ACACB: variants seen among roughly 807,000 people sequenced by gnomAD.
ACACB encodes acetyl-CoA carboxylase beta, also known as acetyl-CoA carboxylase 2.
ACACB carries 209 observed loss-of-function variants against 278.8 expected under a neutral mutation model. The observed-to-expected ratio is 0.75, with a 90% CI of 0.67 to 0.84. The LOEUF is 0.84. ACACB is among the 40% of genes least tolerant of loss of function. The pLI, the probability that ACACB is intolerant of heterozygous loss-of-function variation, is 0.00. For missense variants in ACACB, 2,850 were observed against 3,269.0 expected (o/e 0.87, Z 3.13); for synonymous variants, 1,174 against 1,285.6 (o/e 0.91, Z 1.86).
chr12:109,174,000 G>T (rs566471373), intron 6 of ACACB, 132 bp from the exon 7 acceptor site: 12 of 655,512 alleles, frequency 1.8e-5, no homozygotes, highest in African/African-American at 1.8e-4. Flanking sequence ...CTCCTTGAGA[G>T]CTGGGACCAG....
At chr12:109,254,514 C>G (rs559040081) in intron 44 of ACACB, among the ~76,000 whole-genome samples, 180 bp downstream of exon 44, 1 of 151,462 alleles carries the variant, frequency 6.6e-6, no homozygotes, top group African/African-American at 2.4e-5. Context: ...TTACTCTAGG[C>G]TTTTCCTGAG....
At chr12:109,223,967 C>T in intron 27 of ACACB, 63 bp downstream of exon 27, 4 of 1,385,420 alleles carry the variant, frequency 2.9e-6, no homozygotes, top group Non-Finnish European at 4.1e-6. Flanking sequence ...ACTGCCGCTA[C>T]CATGCACCTG....
Position 109,242,439 on chromosome 12 carries a change from C to A in ACACB, c.5025C>A (p.Ile1675=). 6.2e-7 allele frequency: 1 copy of A among 1,613,522 alleles called. No homozygotes were observed. The highest frequency in any genetic ancestry group is 1.1e-5 in the South Asian group (1 of 91,020). ...GTTTTCCCTCCTTTCTGGTCCAGAT[C>A]ATGTTTCACTCCTTCGGCAACAAGC... ...KEVTDSRSGN[I]MFHSFGNKQG... is the part of the protein sequence containing the mutation. The change falls in exon 37 of 53, where the codon ATC becomes ATA. Residue 1675 remains isoleucine, a splice_region_variant and synonymous_variant. Transcript: ENST00000338432.
At position 109,253,129 on chromosome 12, in the gene ACACB, A is replaced by G; in HGVS notation, c.6016A>G (p.Ile2006Val). 6.2e-7 allele frequency: 1 copy of G among 1,601,948 alleles called. No homozygotes were observed. Among genetic ancestry groups the G allele is most frequent in the Non-Finnish European group, 8.5e-7 (1 of 1,172,790 alleles). ...VPDDFEGVYT[I>V]LEWLSYMPKD... is the part of the protein sequence containing the mutation. ...AGATGACTTTGAGGGGGTTTATACC[A>G]TCCTGGAGTGGCTGTCCTATATGCC... The change falls in exon 43 of 53, where the codon ATC (isoleucine) becomes GTC (valine). Residue 2006 changes from isoleucine (I) to valine (V), a missense_variant. By Grantham distance (29) the Ile-to-Val change is conservative. Coordinates refer to ENST00000338432, the MANE Select transcript of ACACB (RefSeq NM_001093.4).
At chr12:109,259,583 C>CA (rs555119482) in intron 47 of ACACB, among the ~76,000 whole-genome samples, 37,318 of 142,146 alleles carry the variant, frequency 0.26, 5,227 homozygotes, top group Admixed American at 0.37. Flanking sequence ...AACAAAAAAA[C>CA]AAAAAAAAAA....
At position 109,174,055 on chromosome 12, in the gene ACACB, G is replaced by GCACT. The variant is rs1323530524; in HGVS notation, c.1118-75_1118-72dup. 3.2e-6 allele frequency: 4 copies of GCACT among 1,260,426 alleles called. No homozygotes were observed. The African/African-American group carries it at 5.9e-5, about 19-fold the overall frequency. The allele number at this position is 1,260,426 out of a possible 1,614,324, so 78.1% of individuals were successfully genotyped here. On this transcript the variant is annotated intron_variant, in intron 6 of 52. Coordinates refer to ENST00000338432, the MANE Select transcript of ACACB (RefSeq NM_001093.4). ...GCTCCTTACCTGGCCCCACCACCGT[G>GCACT]CACTCGGTCGGCCTTCAGCCTCGAG...
At chr12:109,193,752 G>A (rs370248200) in intron 16 of ACACB, 23 bp downstream of exon 16, 53 of 1,578,248 alleles carry the variant, frequency 3.4e-5, no homozygotes, top group African/African-American at 5.4e-5. Context: ...GTGCCTCTCC[G>A]ATGTCTCCAA....
chr12:109,260,685 A>G, intron 48 of ACACB, 28 bp downstream of exon 48: 1 of 1,510,690 alleles, frequency 6.6e-7, no homozygotes, highest in African/African-American at 1.4e-5. Flanking sequence ...AGCCTGGCTT[A>G]GCCTTTTCTT....
At position 109,247,641 on chromosome 12, in the gene ACACB, C is replaced by T. The variant is rs753025201; in HGVS notation, c.5607C>T (p.Tyr1869=). ...FKYLYLTPQD[Y]TRISSLNSVH... ...ACCTGTACCTGACTCCCCAAGACTA[C>T]ACCAGAATCAGCTCCCTGAACTCCG... The change falls in exon 40 of 53, where the codon TAC becomes TAT. Residue 1869 remains tyrosine (Y), a synonymous_variant. Coordinates refer to ENST00000338432, the MANE Select transcript of ACACB (RefSeq NM_001093.4). 1 of 1,613,998 alleles carries T rather than the reference C, an allele frequency of 6.2e-7. No homozygotes were observed. The highest frequency in any genetic ancestry group is 8.5e-7 in the Non-Finnish European group (1 of 1,179,956).
intron 11 of ACACB, among the ~76,000 whole-genome samples, chr12:109,181,242 T>G (rs916209109): frequency 1.3e-5 from 2 of 150,712 alleles, no homozygotes. Context: ...TTTTTTTTTT[T>G]TTTGAGATGC....
intron 2 of ACACB, among the ~76,000 whole-genome samples, chr12:109,161,582 CA>C (rs924006496): frequency 2.0e-5 from 3 of 151,872 alleles, no homozygotes; most frequent in African/African-American, 7.3e-5. Flanking sequence ...ATAATTATAT[CA>C]AAAGACACCT....
intron 1 of ACACB, among the ~76,000 whole-genome samples, chr12:109,124,863 C>T (rs551601404): frequency 5.9e-5 from 9 of 152,244 alleles, no homozygotes; most frequent in South Asian, 2.1e-4. Context: ...CACAGGCGCT[C>T]GCCACCATGC....
chr12:109,145,248 C>CT (rs1276063503), intron 2 of ACACB, among the ~76,000 whole-genome samples: 1 of 152,080 alleles, frequency 6.6e-6, no homozygotes, highest in Admixed American at 6.5e-5. Context: ...TTGGTTTGGT[C>CT]TGTAGGGGCT....
Position 109,142,592 on chromosome 12 carries a change from A to G in ACACB, c.653+2534A>G, listed in dbSNP as rs546122559. Among the ~76,000 whole-genome samples, 17 of 151,958 alleles carry G rather than the reference A, an allele frequency of 1.1e-4. No homozygotes were observed. In the South Asian group the frequency reaches 2.9e-3, roughly 26 times the overall value. ...CTTCTTTTTTTATTTTTTTGGACAGAGTCTCACTCTGTCACCCAGGCTGGA... is the reference window on the plus strand; with the variant it reads ...CTTCTTTTTTTATTTTTTTGGACAGGGTCTCACTCTGTCACCCAGGCTGGA... On this transcript the variant is annotated intron_variant, in intron 2 of 52. Coordinates refer to ENST00000338432, the MANE Select transcript of ACACB (RefSeq NM_001093.4).
chr12:109,117,903 C>T (rs1238651258), intron 1 of ACACB, among the ~76,000 whole-genome samples: 8 of 152,176 alleles, frequency 5.3e-5, no homozygotes, highest in Admixed American at 2.6e-4. Context: ...CCCACTACCA[C>T]GCCCGGCTAA....
At chr12:109,134,610 C>G (rs2042924771) in intron 1 of ACACB, among the ~76,000 whole-genome samples, 1 of 152,136 alleles carries the variant, frequency 6.6e-6, no homozygotes, top group Non-Finnish European at 1.5e-5. Flanking sequence ...TTACTATGCA[C>G]AAGAGAAATA....
At chr12:109,213,701 T>A (rs1246879957) in intron 22 of ACACB, among the ~76,000 whole-genome samples, 1 of 151,686 alleles carries the variant, frequency 6.6e-6, no homozygotes, top group Non-Finnish European at 1.5e-5. Flanking sequence ...TTCACGCCAT[T>A]CTTCTGCTGC....
chr12:109,240,926 T>C (rs2046778282), intron 35 of ACACB, 152 bp from the exon 36 acceptor site: 2 of 700,414 alleles, frequency 2.9e-6, no homozygotes, highest in Non-Finnish European at 4.8e-6. Context: ...GAGCCGTTGC[T>C]TGTTATTAGT....
intron 3 of ACACB, chr12:109,167,265 A>G (rs2043940353): frequency 8.3e-6 from 3 of 360,040 alleles, no homozygotes; most frequent in African/African-American, 2.1e-5. Context: ...GGTGATCACA[A>G]TGACACCAAA....
Sources: gnomAD v4.1 joint callset for allele counts (sites outside exome capture counted in the v4.1 genomes callset) on GRCh38, gnomAD v4.1.1 for gene constraint, MANE v1.5 for transcripts, NCBI Gene and HGNC (gene_info 2026-07-23, HGNC 2026-07-21) for gene names.